EML2: variants seen among roughly 807,000 people sequenced by gnomAD.
The protein encoded by EML2 is echinoderm microtubule-associated protein-like 2.
In EML2, 59 loss-of-function variants were observed where a neutral mutation model predicts 84.7. That is an observed-to-expected ratio of 0.70 (90% confidence interval 0.56 to 0.86). The LOEUF (loss-of-function observed/expected upper bound fraction) is 0.86. Ranked by LOEUF, EML2 falls within the 40% of genes least tolerant of loss-of-function variation. EML2 has a pLI of 0.00. For synonymous variants in EML2, 352 were observed against 348.9 expected (o/e 1.01, Z -0.10); for missense variants, 818 against 855.6 (o/e 0.96, Z 0.55).
chr19:45,615,721 C>G, intron 16 of EML2, 81 bp downstream of exon 16: 1 of 1,216,700 alleles, frequency 8.2e-7, no homozygotes, highest in Admixed American at 1.7e-5. Flanking sequence ...AGGCTTGAAG[C>G]CCCTCCCTCC....
chr19:45,627,420 A>G lies in EML2; in HGVS notation c.607-581T>C, dbSNP rs147131800. Among the ~76,000 whole-genome samples, 46 of 151,358 alleles carry G rather than the reference A, an allele frequency of 3.0e-4. 1 individual carries two copies. Among genetic ancestry groups the G allele is most frequent in the East Asian group, 2.6e-3 (13 of 5,094 alleles). On this transcript the variant is annotated intron_variant, in intron 7 of 18. Coordinates refer to ENST00000245925, the MANE Select transcript of EML2 (RefSeq NM_012155.4). ...CAGGGACGTGCCACCACACCTGGCTAATTTTTGTATTTTTAGTAGAGATAG... is the reference window on the plus strand; with the variant it reads ...CAGGGACGTGCCACCACACCTGGCTGATTTTTGTATTTTTAGTAGAGATAG...
At chr19:45,642,090 G>A (rs1311055191), upstream of EML2, 4 of 1,457,532 alleles carry the variant, frequency 2.7e-6, no homozygotes, top group African/African-American at 2.8e-5. Context: ...TAAGGACCAG[G>A]CCCCGGTCCT....
rs1450740087 is a variant in EML2, at chr19:45,634,325, T to C, written c.326A>G (p.Lys109Arg). ...TCCCCTCTGTCCCACATCTCACCAT[T>C]TGATGTCATCGTTGTGTCCCAGGTA... is the stretch of plus-strand genomic sequence containing the variant. ...RHYLGHNDDI[K>R]CLAIHPDMVT... Residue 109 changes from lysine (K) to arginine (R), a missense_variant, in exon 4 of 19, where the codon AAA becomes AGA. Lys to Arg is a conservative substitution (Grantham distance 26). Transcript: ENST00000245925. 5 of 1,612,950 alleles carry C rather than the reference T, an allele frequency of 3.1e-6. No homozygotes were observed. Among genetic ancestry groups the C allele is most frequent in the Admixed American group, 1.7e-5 (1 of 59,946 alleles).
At chr19:45,644,254 G>A (rs1974859677), upstream of EML2, among the ~76,000 whole-genome samples, 1 of 152,158 alleles carries the variant, frequency 6.6e-6, no homozygotes, top group African/African-American at 2.4e-5. Flanking sequence ...TTTAGGAGGA[G>A]AGGAGGAGGA....
At chr19:45,625,882 G>GTTTTT (rs1379989962) in intron 8 of EML2, among the ~76,000 whole-genome samples, 1 of 151,804 alleles carries the variant, frequency 6.6e-6, no homozygotes, top group Non-Finnish European at 1.5e-5. Context: ...TTTTGTTTTT[G>GTTTTT]TTTTTGTTTT....
chr19:45,611,572 G>A (rs1428148176), intron 18 of EML2, among the ~76,000 whole-genome samples: 3 of 151,482 alleles, frequency 2.0e-5, no homozygotes, highest in South Asian at 2.1e-4. Context: ...TGCAACCTCC[G>A]CCTCCCAAGT....
intron 16 of EML2, among the ~76,000 whole-genome samples, chr19:45,615,520 A>AAT (rs1379893497): frequency 4.1e-5 from 1 of 24,484 alleles, no homozygotes. Context: ...TCCGTCTCAA[A>AAT]ATAATAATAA....
At chr19:45,642,190 C>A (rs1364087642), upstream of EML2, 2 of 1,532,170 alleles carry the variant, frequency 1.3e-6, no homozygotes, top group Non-Finnish European at 1.7e-6. Flanking sequence ...GCCCCGCGCG[C>A]GTAGCGCCGC....
intron 18 of EML2, among the ~76,000 whole-genome samples, chr19:45,612,017 G>A (rs559692939): frequency 1.4e-4 from 21 of 151,762 alleles, no homozygotes; most frequent in East Asian, 5.8e-4. Flanking sequence ...GATTACAGGC[G>A]TGCACCACCA....
chr19:45,643,749 T>C (rs1163585443), upstream of EML2: 4 of 1,514,080 alleles, frequency 2.6e-6, no homozygotes, highest in African/African-American at 1.4e-5. Context: ...TCCTCCCTCC[T>C]TCCCTTCGTA....
At chr19:45,624,979 G>A (rs572125326) in intron 8 of EML2, among the ~76,000 whole-genome samples, 161 bp from the exon 9 acceptor site, 23 of 152,214 alleles carry the variant, frequency 1.5e-4, no homozygotes, top group Non-Finnish European at 2.8e-4. Context: ...GCCTCCATCC[G>A]GCCTGCAGTG....
rs765878588 is a variant in EML2 at position 45,616,431 on chromosome 19, G to T, written c.1509+30C>A. ...TTTTGCACCCCCTGGGCGGGGTGGC[G>T]GCGCGGGCTGGGGGCCACTGCCCAC... On this transcript the variant is annotated intron_variant, in intron 15 of 18. Transcript: ENST00000245925. The T allele has an allele frequency of 2.6e-6, 4 of 1,538,950 alleles. No individual in the cohort carries two copies. In the Admixed American group the frequency reaches 7.8e-5, roughly 30 times the overall value.
Position 45,612,293 on chromosome 19 carries a change from G to A in EML2, c.1824+1248C>T, listed in dbSNP as rs189271859. Among the ~76,000 whole-genome samples the A allele has an allele frequency of 4.5e-4, 69 of 152,234 alleles. 1 individual carries two copies. Among genetic ancestry groups the A allele is most frequent in the Admixed American group, 2.7e-3 (41 of 15,272 alleles). On this transcript the variant is annotated intron_variant, in intron 18 of 18. Transcript: ENST00000245925. ...TTGGTCAGGCTGGTCTCAAACTCCTGACCTCAGGTGATCCATCACCTTGGT... is the reference window on the plus strand; with the variant it reads ...TTGGTCAGGCTGGTCTCAAACTCCTAACCTCAGGTGATCCATCACCTTGGT...
intron 9 of EML2, among the ~76,000 whole-genome samples, chr19:45,623,048 A>G (rs1260586180): frequency 6.8e-6 from 1 of 146,668 alleles, no homozygotes; most frequent in Non-Finnish European, 1.5e-5. Context: ...CTCCGTCTCA[A>G]AAAAAAAAAA....
chr19:45,618,840 G>A (rs1037473077), intron 12 of EML2: 22 of 312,756 alleles, frequency 7.0e-5, no homozygotes, highest in Non-Finnish European at 1.3e-4. Context: ...CCAGCTACTC[G>A]GGAGGCTGAG....
chr19:45,614,602 C>T lies in EML2; in HGVS notation c.1693+3G>A, dbSNP rs771275133. The stretch of plus-strand genomic sequence containing the variant: ...GTGAGACCTCTCTCATTCCAGAACT[C>T]ACCAAACACCCCAAACCCTAGGACA... On this transcript the variant is annotated splice_donor_region_variant and intron_variant, in intron 17 of 18. Transcript: ENST00000245925. 20 of 1,613,504 alleles carry T rather than the reference C, an allele frequency of 1.2e-5. No homozygotes were observed. The highest frequency in any genetic ancestry group is 1.6e-4 in the Middle Eastern group (1 of 6,080).
chr19:45,616,157 G>A lies in EML2; in HGVS notation c.1510-268C>T, dbSNP rs190285608. ...GGTGGGCAGGGCTAGACACGGAGGA[G>A]CTGGCTTTGAATGTTGAGGGGCGGG... is the stretch of plus-strand genomic sequence containing the variant. On this transcript the variant is annotated intron_variant, in intron 15 of 18. Transcript: ENST00000245925. 1.4e-4 allele frequency: 80 copies of A among 557,712 alleles called. No individual in the cohort carries two copies. In the East Asian group the frequency reaches 1.6e-3, roughly 11 times the overall value. 34.5% of individuals were successfully genotyped at this position (557,712 alleles called of 1,614,324 possible).
At chr19:45,644,083 C>T (rs910328039), upstream of EML2, among the ~76,000 whole-genome samples, 1 of 152,218 alleles carries the variant, frequency 6.6e-6, no homozygotes, top group Non-Finnish European at 1.5e-5. Flanking sequence ...AGAAAAATGG[C>T]ATCTGTTACT....
In EML2 at chr19:45,609,411, G is replaced by A. The variant is rs970356446; in HGVS notation, c.*252C>T. On this transcript the variant is annotated 3_prime_UTR_variant, in exon 19 of 19. Coordinates refer to ENST00000245925, the MANE Select transcript of EML2 (RefSeq NM_012155.4). ...GACCCTGACACACCTTAGTGTACGT[G>A]TCTTTATTTCTGGATGATATAAAAG... 3.0e-5 allele frequency: 11 copies of A among 362,618 alleles called. No individual in the cohort carries two copies. The highest frequency in any genetic ancestry group is 5.5e-5 in the Non-Finnish European group (11 of 199,492). The allele number at this position is 362,618 out of a possible 1,614,324, so 22.5% of individuals were successfully genotyped here.
Sources: gnomAD v4.1 joint callset for allele counts (sites outside exome capture counted in the v4.1 genomes callset) on GRCh38, gnomAD v4.1.1 for gene constraint, MANE v1.5 for transcripts, NCBI Gene and HGNC (gene_info 2026-07-23, HGNC 2026-07-21) for gene names.